TMEM67: variants seen among roughly 807,000 people sequenced by gnomAD.
The protein encoded by TMEM67 is meckelin.
A neutral mutation model predicts 136.6 loss-of-function variants in TMEM67; 124 were observed. The observed-to-expected ratio is 0.91, with a 90% CI of 0.78 to 1.05. The LOEUF (loss-of-function observed/expected upper bound fraction) is 1.05, where lower values mean the gene tolerates loss of function less well. TMEM67 is among the 50% of genes least tolerant of loss of function. The probability of loss-of-function intolerance (pLI) is 0.00; values close to 1 mark genes in which losing one functional copy is unlikely to be tolerated. For missense variants in TMEM67, 1,107 were observed against 1,178.4 expected (o/e 0.94, Z 0.89); for synonymous variants, 364 against 390.5 (o/e 0.93, Z 0.80).
At chr8:93,797,022 A>G in intron 18 of TMEM67, 112 bp from the exon 19 acceptor site, 1 of 721,972 alleles carries the variant, frequency 1.4e-6, no homozygotes. Context: ...ATTCACTCAT[A>G]AAATTATATG....
In TMEM67 at chr8:93,795,201, C is replaced by T. The variant is rs1466016581; in HGVS notation, c.1675-208C>T. 3 of 603,490 alleles carry T rather than the reference C, an allele frequency of 5.0e-6. No individual in the cohort carries two copies. In the African/African-American group the frequency reaches 5.6e-5, roughly 11 times the overall value. 37.4% of individuals were successfully genotyped at this position (603,490 alleles called of 1,614,324 possible). A position where few individuals can be genotyped will look rare whatever the true frequency, so the allele number is the denominator to read the frequency against. On this transcript the variant is annotated intron_variant, in intron 16 of 27. Transcript: ENST00000453321. ...AGATGAGAAGAGTTGAAAGAAGAGG[C>T]TACCAGGAACGGCCAGAAAGGTAAG...
At chr8:93,798,671 C>A (rs905537682) in intron 20 of TMEM67, among the ~76,000 whole-genome samples, 2 of 151,732 alleles carry the variant, frequency 1.3e-5, no homozygotes, top group African/African-American at 4.8e-5. Flanking sequence ...CCTCTTTTTT[C>A]TTCTTTCTTT....
chr8:93,816,576 TGCAGAAAG>T lies in TMEM67; in HGVS notation c.*125_*132del. ...GACTATTCTGTTTTTGTTTTTTATT[TGCAGAAAG>T]ATTTATTTTTATAACTTGGGAATAT... On this transcript the variant is annotated 3_prime_UTR_variant, in exon 28 of 28. Coordinates refer to ENST00000453321, the MANE Select transcript of TMEM67 (RefSeq NM_153704.6). 1 of 546,072 alleles carries T rather than the reference TGCAGAAAG, an allele frequency of 1.8e-6. No homozygotes were observed. The highest frequency in any genetic ancestry group is 3.3e-6 in the Non-Finnish European group (1 of 300,656). 33.8% of individuals were successfully genotyped at this position (546,072 alleles called of 1,614,324 possible).
intron 14 of TMEM67, chr8:93,791,060 T>G: frequency 2.0e-6 from 1 of 501,554 alleles, no homozygotes; most frequent in Non-Finnish European, 3.6e-6. Flanking sequence ...TTTTAATGTA[T>G]GTGAAAGGAT....
intron 26 of TMEM67, among the ~76,000 whole-genome samples, chr8:93,810,222 G>A (rs1194456995): frequency 6.7e-6 from 1 of 149,382 alleles, no homozygotes; most frequent in Admixed American, 6.6e-5. Context: ...GCCCACCTCG[G>A]CCTCCCAAAG....
At position 93,804,866 on chromosome 8, in the gene TMEM67, T is replaced by G. The variant is rs150658618; in HGVS notation, c.2427T>G (p.Leu809=). 5.6e-5 allele frequency: 88 copies of G among 1,560,184 alleles called. No homozygotes were observed. The highest frequency in any genetic ancestry group is 7.2e-5 in the Non-Finnish European group (81 of 1,131,178). The stretch of plus-strand genomic sequence containing the variant: ...ATATGGAAGAAATGAATATGAACCT[T>G]AAAAGAGAAGCGGTATGAAAATGTT... The part of the protein sequence containing the change: ...DTNMEEMNMN[L]KREAENLCSQ... Residue 809 remains leucine (L), a synonymous_variant, in exon 23 of 28, where the codon CTT becomes CTG. Transcript: ENST00000453321.
At chr8:93,793,981 T>C (rs1308269913) in intron 16 of TMEM67, among the ~76,000 whole-genome samples, 1 of 152,152 alleles carries the variant, frequency 6.6e-6, no homozygotes, top group African/African-American at 2.4e-5. Flanking sequence ...AACCTCTGCC[T>C]CCCGGGTTCA....
Position 93,787,826 on chromosome 8 carries a change from G to T in TMEM67, c.1413-18G>T. ...CCCGGATATACTGATTACTATAAAT[G>T]CATTTTCTTTTAAATAGTGTCCACC... On this transcript the variant is annotated intron_variant, in intron 13 of 27. Transcript: ENST00000453321. 1 of 1,562,848 alleles carries T rather than the reference G, an allele frequency of 6.4e-7. No homozygotes were observed. The highest frequency in any genetic ancestry group is 2.2e-5 in the East Asian group (1 of 44,554).
chr8:93,826,128 T>G, the TMEM67 span, among the ~76,000 whole-genome samples: 1 of 122,670 alleles, frequency 8.2e-6, no homozygotes, highest in Non-Finnish European at 1.7e-5. Context: ...CATGTCTTTT[T>G]TTTTTTTTTT....
chr8:93,830,598 G>C, the TMEM67 span, among the ~76,000 whole-genome samples: 5 of 152,212 alleles, frequency 3.3e-5, no homozygotes, highest in Non-Finnish European at 5.9e-5. Context: ...TTGCTTGTTT[G>C]GTGGTGGGGA....
rs761772547 is a variant in TMEM67 at position 93,755,832 on chromosome 8, C to T, written c.278C>T (p.Pro93Leu). The T allele has an allele frequency of 5.7e-6, 9 of 1,588,634 alleles. No individual in the cohort carries two copies. Among genetic ancestry groups the T allele is most frequent in the Non-Finnish European group, 7.7e-6 (9 of 1,168,138 alleles). The change falls in exon 2 of 28, where the codon CCT becomes CTT. Residue 93 changes from proline to leucine, a missense_variant. Pro to Leu is a moderately conservative substitution (Grantham distance 98). Transcript: ENST00000453321. The stretch of plus-strand genomic sequence containing the variant: ...CAGATGATCTCTAATAATGGAGGAC[C>T]TGCTATTATTTGTAAAAAGTGCCCA... ...GFQMISNNGGPAIICKKCPEN... is the reference protein window; with the variant it reads ...GFQMISNNGGLAIICKKCPEN...
At chr8:93,768,719 AG>A (rs1204178654) in intron 6 of TMEM67, among the ~76,000 whole-genome samples, 5 of 152,134 alleles carry the variant, frequency 3.3e-5, no homozygotes, top group Non-Finnish European at 2.9e-5. Context: ...TATCTTCTCC[AG>A]GGGTGAGGAA....
chr8:93,809,074 A>T lies in TMEM67; in HGVS notation c.2574A>T (p.Arg858Ser). ...ETLIRKNGPA[R>S]LLSSSASTFE... The stretch of plus-strand genomic sequence containing the variant: ...TACATTAGAAAAATGGTCCTGCTAG[A>T]CTACTGAGTTCATCAGCAAGTACTT... The change falls in exon 25 of 28, where the codon AGA becomes AGT. Residue 858 changes from arginine to serine, a missense_variant. By Grantham distance (110) the Arg-to-Ser change is moderately radical. This residue lies in a region of TMEM67 where 925 missense variants were observed against 1,002.4 expected (regional missense o/e 0.92). Coordinates refer to ENST00000453321, the MANE Select transcript of TMEM67 (RefSeq NM_153704.6). The T allele has an allele frequency of 6.2e-7, 1 of 1,608,400 alleles. No homozygotes were observed. The highest frequency in any genetic ancestry group is 8.5e-7 in the Non-Finnish European group (1 of 1,175,258).
intron 6 of TMEM67, among the ~76,000 whole-genome samples, chr8:93,767,377 T>A (rs928300487): frequency 1.3e-5 from 2 of 152,230 alleles, no homozygotes; most frequent in Non-Finnish European, 2.9e-5. Context: ...TGTAATTGAT[T>A]AGTATTTTGT....
intron 26 of TMEM67, among the ~76,000 whole-genome samples, chr8:93,814,911 A>G (rs1006623012): frequency 6.6e-6 from 1 of 152,160 alleles, no homozygotes; most frequent in Non-Finnish European, 1.5e-5. Context: ...GAACTCTTGA[A>G]CACTATGTAC....
At chr8:93,794,926 A>G (rs894828264) in intron 16 of TMEM67, 1 of 176,996 alleles carries the variant, frequency 5.6e-6, no homozygotes, top group African/African-American at 2.4e-5. Context: ...TGGAGTGGTT[A>G]GTCATTGACT....
At chr8:93,774,574 G>C in intron 7 of TMEM67, among the ~76,000 whole-genome samples, 2 of 152,038 alleles carry the variant, frequency 1.3e-5, no homozygotes, top group African/African-American at 4.8e-5. Context: ...AAGTGTTCTC[G>C]TTGAATTCCC....
At chr8:93,807,489 A>C (rs1471920776) in intron 23 of TMEM67, among the ~76,000 whole-genome samples, 1 of 152,136 alleles carries the variant, frequency 6.6e-6, no homozygotes, top group African/African-American at 2.4e-5. Flanking sequence ...TATAACGTTA[A>C]GTGAAAAAGG....
In TMEM67 at chr8:93,785,351, C is replaced by T. The variant is rs1814046654; in HGVS notation, c.1261C>T (p.Gln421Ter). Residue 421 changes from glutamine to a stop codon, truncating the protein, a stop_gained, in exon 12 of 28, where the codon CAA becomes TAA. Coordinates refer to ENST00000453321, the MANE Select transcript of TMEM67 (RefSeq NM_153704.6). LOFTEE classifies it high-confidence loss of function. ...TGTGCCTGTGTTAAACCTAAATCTT[C>T]AACATAATAAGATATTTGTGAACCA... ...LAVPVLNLNL[Q>*]HNKIFVNQDS... 1 of 1,611,934 alleles carries T rather than the reference C, an allele frequency of 6.2e-7. No individual in the cohort carries two copies.
Sources: gnomAD v4.1 joint callset for allele counts (sites outside exome capture counted in the v4.1 genomes callset) on GRCh38, gnomAD v4.1.1 for gene constraint, gnomAD v4.1.1 regional missense constraint, MANE v1.5 for transcripts, NCBI Gene and HGNC (gene_info 2026-07-23, HGNC 2026-07-21) for gene names.